The following TGS1 variants were observed in gnomAD, a reference collection of about 807,000 sequenced individuals.
TGS1 encodes the protein trimethylguanosine synthase 1, also known as trimethylguanosine synthase.
In TGS1, 69 loss-of-function variants were observed where a neutral mutation model predicts 92.2. The ratio of observed to expected loss-of-function variants is 0.75; its 90% CI spans 0.62 to 0.91. The LOEUF is 0.91. Among genes scored for constraint, TGS1 ranks in the 40% least tolerant of loss-of-function variants. TGS1 has a pLI of 0.00. For synonymous variants in TGS1, 345 were observed against 338.1 expected (o/e 1.02, Z -0.22); for missense variants, 1,062 against 1,001.2 (o/e 1.06, Z -0.82).
Position 55,812,962 on chromosome 8 carries a change from T to A in TGS1, c.2361-78T>A, listed in dbSNP as rs1006613652. On this transcript the variant is annotated intron_variant, in intron 11 of 12. Coordinates refer to ENST00000260129, the MANE Select transcript of TGS1 (RefSeq NM_024831.8). ...AGTTACATTTTGAAATACATTTGAG[T>A]TATGATAAGTAAAACACATCTCTTT... 3.8e-6 allele frequency: 4 copies of A among 1,065,604 alleles called. No individual in the cohort carries two copies. In the African/African-American group the frequency reaches 6.3e-5, roughly 17 times the overall value. 66.0% of individuals were successfully genotyped at this position (1,065,604 alleles called of 1,614,324 possible). A position where few individuals can be genotyped will look rare whatever the true frequency, so the allele number is the denominator to read the frequency against.
chr8:55,773,803 C>A, intron 1 of TGS1, 84 bp downstream of exon 1: 1 of 1,121,866 alleles, frequency 8.9e-7, no homozygotes, highest in Non-Finnish European at 1.3e-6. Flanking sequence ...TGTAATTGAT[C>A]CCTGAAAGCA....
intron 2 of TGS1, 44 bp from the exon 3 acceptor site, chr8:55,785,675 T>G: frequency 7.2e-7 from 1 of 1,386,288 alleles, no homozygotes; most frequent in Non-Finnish European, 9.6e-7. Flanking sequence ...AAAACCTGCC[T>G]CTTAAGTTTT....
chr8:55,814,801 G>A (rs1368316319), intron 12 of TGS1, among the ~76,000 whole-genome samples: 1 of 149,404 alleles, frequency 6.7e-6, no homozygotes, highest in Non-Finnish European at 1.5e-5. Flanking sequence ...TTGCGCCACT[G>A]CACTCCAGCC....
intron 12 of TGS1, among the ~76,000 whole-genome samples, chr8:55,814,259 T>TA (rs1215844080): frequency 1.3e-5 from 2 of 152,102 alleles, no homozygotes; most frequent in African/African-American, 2.4e-5. Flanking sequence ...AGTAGCTTTT[T>TA]AAAAAAACTA....
intron 10 of TGS1, among the ~76,000 whole-genome samples, chr8:55,810,072 C>G (rs1245927785): frequency 1.3e-5 from 2 of 152,188 alleles, no homozygotes; most frequent in Non-Finnish European, 2.9e-5. Flanking sequence ...CATTATTTCT[C>G]AAAAATGTTA....
chr8:55,773,695 G>A lies in TGS1; in HGVS notation c.77G>A (p.Cys26Tyr), dbSNP rs765167565. The change falls in exon 1 of 13, where the codon TGC becomes TAC. Residue 26 changes from cysteine (C) to tyrosine (Y), a missense_variant. Cys to Tyr is a radical substitution (Grantham distance 194, BLOSUM62 -2). Coordinates refer to ENST00000260129, the MANE Select transcript of TGS1 (RefSeq NM_024831.8). ...GAGCGGGAGGATTGTAAGATACTGT[G>A]CCTTTGCTCCAGGGCATTTGTGGAG... ...IEEREDCKIL[C>Y]LCSRAFVEDR... 3 of 1,611,080 alleles carry A rather than the reference G, an allele frequency of 1.9e-6. No homozygotes were observed. Among genetic ancestry groups the A allele is most frequent in the South Asian group, 1.1e-5 (1 of 90,360 alleles).
chr8:55,818,468 A>G (rs1297384272), intron 12 of TGS1, among the ~76,000 whole-genome samples: 2 of 152,072 alleles, frequency 1.3e-5, no homozygotes, highest in Admixed American at 6.5e-5. Context: ...TTCTAGACCA[A>G]CTCTGTTCTT....
At chr8:55,802,699 C>G in intron 9 of TGS1, 93 bp downstream of exon 9, 16 of 1,249,336 alleles carry the variant, frequency 1.3e-5, no homozygotes, top group Non-Finnish European at 1.7e-5. Context: ...GTTCATATCC[C>G]CTTTACCCAG....
In TGS1 at chr8:55,785,722, A is replaced by C; in HGVS notation, c.170A>C (p.Asp57Ala). The change falls in exon 3 of 13, where the codon GAC (aspartate) becomes GCC (alanine). Residue 57 changes from aspartate (D) to alanine (A), a missense_variant. By Grantham distance (126) the Asp-to-Ala change is moderately radical. Coordinates refer to ENST00000260129, the MANE Select transcript of TGS1 (RefSeq NM_024831.8). ...YIRDSGNNSG[D>A]QATEEEEGGY... ...AGCTAATAAATGGTGTCTATAGGAG[A>C]CCAGGCGACAGAAGAAGAGGAAGGT... 1 of 1,602,822 alleles carries C rather than the reference A, an allele frequency of 6.2e-7. No individual in the cohort carries two copies. The highest frequency in any genetic ancestry group is 1.7e-5 in the Admixed American group (1 of 57,462).
chr8:55,789,105 T>C (rs1470661307), intron 4 of TGS1, among the ~76,000 whole-genome samples: 1 of 152,194 alleles, frequency 6.6e-6, no homozygotes, highest in South Asian at 2.1e-4. Context: ...AGTTCAAAAT[T>C]TAAGGTATAG....
intron 1 of TGS1, among the ~76,000 whole-genome samples, chr8:55,778,491 C>T (rs1214631543): frequency 1.3e-5 from 2 of 152,272 alleles, no homozygotes; most frequent in African/African-American, 4.8e-5. Flanking sequence ...GAGGACTATT[C>T]TGGAAACTGA....
At chr8:55,784,435 G>C (rs796251873) in intron 2 of TGS1, among the ~76,000 whole-genome samples, 2 of 152,172 alleles carry the variant, frequency 1.3e-5, no homozygotes, top group African/African-American at 4.8e-5. Flanking sequence ...TCTCACCTCA[G>C]CCTCCCAAGT....
chr8:55,799,061 G>T lies in TGS1; in HGVS notation c.1690G>T (p.Glu564Ter). The change falls in exon 8 of 13, where the codon GAG becomes TAG. Residue 564 changes from glutamate to a stop codon, truncating the protein, a stop_gained. Transcript: ENST00000260129. LOFTEE classifies it high-confidence loss of function. ...MSVKKGDDLL[E>*]TNNPEPEKCQ... ...TGTTAAAAAAGGTGATGACCTACTG[G>T]AGACTAATAATCCAGAACCTGAAAA... 1 of 1,614,138 alleles carries T rather than the reference G, an allele frequency of 6.2e-7. No homozygotes were observed. Among genetic ancestry groups the T allele is most frequent in the Non-Finnish European group, 8.5e-7 (1 of 1,180,020 alleles).
At chr8:55,785,254 C>T (rs1197469747) in intron 2 of TGS1, among the ~76,000 whole-genome samples, 1 of 151,936 alleles carries the variant, frequency 6.6e-6, no homozygotes, top group Non-Finnish European at 1.5e-5. Flanking sequence ...CGGGTTTTCA[C>T]CATGTTGGCC....
intron 1 of TGS1, among the ~76,000 whole-genome samples, chr8:55,775,122 C>G (rs534274172): frequency 6.6e-6 from 1 of 151,994 alleles, no homozygotes; most frequent in African/African-American, 2.4e-5. Flanking sequence ...GCTGTGGTGG[C>G]ACATGCTTGT....
chr8:55,779,506 A>G (rs1015685014), intron 1 of TGS1, among the ~76,000 whole-genome samples: 2 of 152,186 alleles, frequency 1.3e-5, no homozygotes, highest in African/African-American at 2.4e-5. Flanking sequence ...GGGACCAAAA[A>G]GCTCACTAGA....
In TGS1 at chr8:55,798,982, T is replaced by C; in HGVS notation, c.1611T>C (p.His537=). 6.2e-7 allele frequency: 1 copy of C among 1,614,134 alleles called. No individual in the cohort carries two copies. The highest frequency in any genetic ancestry group is 8.5e-7 in the Non-Finnish European group (1 of 1,180,024). ...AAGCATCACAGGAATCATCTTCTCA[T>C]GACAATGTGCACGACGCTTCCACAA... The part of the protein sequence containing the change: ...DEEASQESSS[H]DNVHDASTSS... Residue 537 remains histidine, a synonymous_variant, in exon 8 of 13, where the codon CAT becomes CAC. Transcript: ENST00000260129.
rs566818508 is a variant in TGS1 at position 55,825,874 on chromosome 8, C to CTTT, written c.*1183_*1185dup. ...TGGTTTTTAAACTTTATGTAGCATTCTTTTTTTTTTTTTTAGACAGAGTCT... is the reference window on the plus strand; with the variant it reads ...TGGTTTTTAAACTTTATGTAGCATTCTTTTTTTTTTTTTTTTTAGACAGAGTCT... On this transcript the variant is annotated 3_prime_UTR_variant, in exon 13 of 13. Transcript: ENST00000260129. Among the ~76,000 whole-genome samples the CTTT allele has an allele frequency of 7.0e-6, 1 of 142,610 alleles. No individual in the cohort carries two copies. The highest frequency in any genetic ancestry group is 2.6e-5 in the African/African-American group (1 of 39,054). The allele number at this position is 142,610 out of a possible 152,430, so 93.6% of individuals were successfully genotyped here. A position where few individuals can be genotyped will look rare whatever the true frequency, so the allele number is the denominator to read the frequency against.
chr8:55,793,331 C>T (rs1007013534), intron 6 of TGS1, among the ~76,000 whole-genome samples: 9 of 152,152 alleles, frequency 5.9e-5, no homozygotes, highest in African/African-American at 2.2e-4. Context: ...ATCTCTACAA[C>T]ACATTTAAAA....
Sources: gnomAD v4.1 joint callset for allele counts (sites outside exome capture counted in the v4.1 genomes callset) on GRCh38, gnomAD v4.1.1 for gene constraint, MANE v1.5 for transcripts, NCBI Gene and HGNC (gene_info 2026-07-23, HGNC 2026-07-21) for gene names.